The following NBEAL1 variants were observed in gnomAD, a reference collection of about 807,000 sequenced individuals.
The protein encoded by NBEAL1 is neurobeachin-like protein 1.
NBEAL1 carries 273 observed loss-of-function variants against 351.3 expected under a neutral mutation model. That is an observed-to-expected ratio of 0.78 (90% CI 0.70 to 0.86). The LOEUF (loss-of-function observed/expected upper bound fraction) is 0.86, where lower values mean the gene tolerates loss of function less well. Ranked by LOEUF, NBEAL1 falls within the 40% of genes least tolerant of loss-of-function variation. The pLI is 0.00. For synonymous variants in NBEAL1, 1,050 were observed against 1,086.4 expected (o/e 0.97, Z 0.66); for missense variants, 2,961 against 3,201.3 (o/e 0.92, Z 1.81).
chr2:203,018,390 A>ATCGT (rs2060715279), intron 2 of NBEAL1, among the ~76,000 whole-genome samples: 2 of 151,996 alleles, frequency 1.3e-5, no homozygotes, highest in South Asian at 4.1e-4. Context: ...TGAGCTTGAA[A>ATCGT]TCGTAGTTTA....
chr2:203,207,717 T>A (rs912840868), intron 51 of NBEAL1, among the ~76,000 whole-genome samples: 1 of 152,208 alleles, frequency 6.6e-6, no homozygotes. Context: ...GAAGGCAGCA[T>A]GCTCGTTAAG....
intron 3 of NBEAL1, among the ~76,000 whole-genome samples, chr2:203,048,141 T>C (rs2061260740): frequency 6.6e-6 from 1 of 152,068 alleles, no homozygotes; most frequent in Non-Finnish European, 1.5e-5. Flanking sequence ...TGGCTTACTT[T>C]GGAGGGCCAA....
At chr2:203,085,588 C>G (rs2061948476) in intron 10 of NBEAL1, 1 of 152,132 alleles carries the variant, frequency 6.6e-6, no homozygotes, top group South Asian at 2.1e-4. Flanking sequence ...AACTTTTACA[C>G]CATGTAATGA....
intron 33 of NBEAL1, among the ~76,000 whole-genome samples, chr2:203,147,965 C>A (rs1173000553): frequency 6.6e-6 from 1 of 152,016 alleles, no homozygotes. Context: ...TTAAGAATAT[C>A]CTCATATTAT....
chr2:203,127,424 A>G (rs1009609034), intron 23 of NBEAL1, among the ~76,000 whole-genome samples: 9 of 152,210 alleles, frequency 5.9e-5, no homozygotes, highest in Non-Finnish European at 1.5e-5. Flanking sequence ...TGTAGAAAAT[A>G]TAGAAATGTA....
At chr2:203,057,225 C>T (rs1436498290) in intron 5 of NBEAL1, 101 bp from the exon 6 acceptor site, 2 of 996,900 alleles carry the variant, frequency 2.0e-6, no homozygotes, top group Admixed American at 2.4e-5. Context: ...TTAAATGACT[C>T]TTAGTCTCAA....
chr2:203,139,942 A>G (rs1048105858), intron 31 of NBEAL1, among the ~76,000 whole-genome samples: 1 of 152,110 alleles, frequency 6.6e-6, no homozygotes, highest in African/African-American at 2.4e-5. Flanking sequence ...GCTGCATAGA[A>G]GTAATTCTAT....
At chr2:203,164,126 C>A (rs1037694161) in intron 36 of NBEAL1, among the ~76,000 whole-genome samples, 2 of 151,450 alleles carry the variant, frequency 1.3e-5, no homozygotes, top group African/African-American at 4.8e-5. Flanking sequence ...TATATTAATA[C>A]ATGTGATTAA....
intron 19 of NBEAL1, among the ~76,000 whole-genome samples, chr2:203,124,769 A>G (rs1250977764): frequency 6.6e-6 from 1 of 152,206 alleles, no homozygotes; most frequent in Non-Finnish European, 1.5e-5. Context: ...AATCCTTGCA[A>G]TACTTTATGA....
chr2:203,139,449 G>A (rs2063306816), intron 31 of NBEAL1, among the ~76,000 whole-genome samples: 1 of 150,938 alleles, frequency 6.6e-6, no homozygotes, highest in Non-Finnish European at 1.5e-5. Flanking sequence ...TTTTTATTTG[G>A]TGCAGGGAGG....
Position 203,166,315 on chromosome 2 carries a change from A to G in NBEAL1, c.5863+18A>G, listed in dbSNP as rs1229717510. On this transcript the variant is annotated intron_variant, in intron 37 of 55. Transcript: ENST00000683969. ...AGAAGATGGTGAGGAGTTCTGGAAA[A>G]AATAATTTTTGCTGTTCAATAATTA... The G allele has an allele frequency of 6.3e-7, 1 of 1,590,624 alleles. No homozygotes were observed. The highest frequency in any genetic ancestry group is 8.5e-7 in the Non-Finnish European group (1 of 1,173,880).
intron 26 of NBEAL1, among the ~76,000 whole-genome samples, chr2:203,132,650 A>G (rs2063100591): frequency 1.3e-5 from 2 of 152,128 alleles, no homozygotes; most frequent in Non-Finnish European, 2.9e-5. Context: ...AACTACAGGC[A>G]TGTTTCACCA....
intron 1 of NBEAL1, chr2:203,015,644 A>G (rs1249665789): frequency 6.6e-6 from 1 of 152,396 alleles, no homozygotes; most frequent in East Asian, 1.9e-4. Context: ...GTATTTCTTT[A>G]GTAGAGACAG....
Position 203,049,807 on chromosome 2 carries a change from G to A in NBEAL1, c.144-7G>A. ...AGGCTTCTTATTTTTTTCCCTTTCTGTTGTAGGGTAGATGATATGCCTCCA... is the reference window on the plus strand; with the variant it reads ...AGGCTTCTTATTTTTTTCCCTTTCTATTGTAGGGTAGATGATATGCCTCCA... On this transcript the variant is annotated splice_polypyrimidine_tract_variant and splice_region_variant and intron_variant, in intron 3 of 55. Transcript: ENST00000683969. 1 of 1,533,564 alleles carries A rather than the reference G, an allele frequency of 6.5e-7. No individual in the cohort carries two copies. 95.0% of individuals were successfully genotyped at this position (1,533,564 alleles called of 1,614,324 possible).
chr2:203,107,783 A>G lies in NBEAL1; in HGVS notation c.1544A>G (p.Asn515Ser), dbSNP rs557628000. 78 of 1,554,526 alleles carry G rather than the reference A, an allele frequency of 5.0e-5. No homozygotes were observed. The Admixed American group carries it at 5.9e-4, about 12-fold the overall frequency. ...INRQSRTTCV[N>S]ANMGIRIIET... The stretch of plus-strand genomic sequence containing the variant: ...AGACAGAGTCGAACTACTTGTGTCA[A>G]TGCAAACATGGGGATTAGAATCATT... Residue 515 changes from asparagine to serine, a missense_variant, in exon 14 of 56, where the codon AAT becomes AGT. Asn to Ser is a conservative substitution (Grantham distance 46, BLOSUM62 1). Transcript: ENST00000683969.
intron 46 of NBEAL1, chr2:203,191,398 C>A (rs144817636): frequency 8.6e-4 from 272 of 315,398 alleles, no homozygotes; most frequent in African/African-American, 5.7e-3. Context: ...ACATATATTT[C>A]TTTCCCTATA....
chr2:203,196,375 G>A (rs1436377024), intron 47 of NBEAL1, among the ~76,000 whole-genome samples: 3 of 152,254 alleles, frequency 2.0e-5, no homozygotes, highest in African/African-American at 2.4e-5. Context: ...TTTCATCCTC[G>A]TAAGAGGTAT....
chr2:203,048,694 C>G (rs1449941154), intron 3 of NBEAL1, among the ~76,000 whole-genome samples: 1 of 152,122 alleles, frequency 6.6e-6, no homozygotes, highest in Non-Finnish European at 1.5e-5. Context: ...GTACCCATGT[C>G]TTTAGACGTT....
At chr2:203,184,817 C>T (rs558735039) in intron 44 of NBEAL1, among the ~76,000 whole-genome samples, 1 of 151,248 alleles carries the variant, frequency 6.6e-6, no homozygotes, top group African/African-American at 2.4e-5. Flanking sequence ...GTCCCAGCTA[C>T]TTGGGAGGCT....
Sources: gnomAD v4.1 joint callset for allele counts (sites outside exome capture counted in the v4.1 genomes callset) on GRCh38, gnomAD v4.1.1 for gene constraint, MANE v1.5 for transcripts, NCBI Gene and HGNC (gene_info 2026-07-23, HGNC 2026-07-21) for gene names.